Variants in UBN2 observed in about 807,000 individuals in gnomAD.
UBN2 encodes the protein ubinuclein-2.
In UBN2, 35 loss-of-function variants were observed where a neutral mutation model predicts 120.2. That is an observed-to-expected ratio of 0.29 (90% CI 0.22 to 0.39). UBN2 has a LOEUF of 0.39. UBN2 is among the 10% of genes least tolerant of loss of function. The pLI is 1.00. For missense variants in UBN2, 1,693 were observed against 1,663.2 expected (o/e 1.02, Z -0.31); for synonymous variants, 661 against 648.7 (o/e 1.02, Z -0.29).
intron 17 of UBN2, among the ~76,000 whole-genome samples, chr7:139,294,928 A>G (rs968853042): frequency 2.6e-5 from 4 of 152,212 alleles, no homozygotes; most frequent in African/African-American, 9.6e-5. Flanking sequence ...AGGCAGTCAG[A>G]TTAGGCAATG....
chr7:139,325,102 AAT>A, the UBN2 span, among the ~76,000 whole-genome samples: 27 of 152,318 alleles, frequency 1.8e-4, no homozygotes, highest in African/African-American at 6.0e-4. Flanking sequence ...GTATTTTCAA[AAT>A]ATGTGTTTCA....
intron 11 of UBN2, among the ~76,000 whole-genome samples, 164 bp from the exon 12 acceptor site, chr7:139,275,933 A>C (rs550689144): frequency 6.6e-6 from 1 of 152,142 alleles, no homozygotes; most frequent in Non-Finnish European, 1.5e-5. Context: ...TATGAATAAA[A>C]CTCTCCATAA....
At chr7:139,273,539 T>G in intron 10 of UBN2, 129 bp downstream of exon 10, 1 of 599,176 alleles carries the variant, frequency 1.7e-6, no homozygotes, top group Non-Finnish European at 2.7e-6. Context: ...AAAAAATTAT[T>G]CAAGAGAAGA....
intron 2 of UBN2, among the ~76,000 whole-genome samples, chr7:139,247,866 A>G (rs538729067): frequency 3.9e-4 from 59 of 152,262 alleles, no homozygotes; most frequent in Middle Eastern, 3.4e-3. Flanking sequence ...GGGTATGAAT[A>G]TCTTAGGAAG....
chr7:139,319,116 C>G, the UBN2 span, among the ~76,000 whole-genome samples: 5 of 152,212 alleles, frequency 3.3e-5, no homozygotes, highest in South Asian at 2.1e-4. Flanking sequence ...GAGTGTTGCT[C>G]TGTTGCCCAG....
rs920321201 is a variant in UBN2, at chr7:139,301,689, TTTTG to T, written c.*3861_*3864del. 5.3e-5 allele frequency: 8 copies of T among 152,156 alleles called. No homozygotes were observed. The highest frequency in any genetic ancestry group is 1.9e-4 in the East Asian group (1 of 5,204). The allele number at this position is 152,156 out of a possible 1,614,324, so 9.4% of individuals were successfully genotyped here. ...TAGGTTTGGAATTTGTTTGCTTTTT[TTTTG>T]TTTGTTTTTTGTTTTGTTTCTGTTT... On this transcript the variant is annotated 3_prime_UTR_variant, in exon 18 of 18. Transcript: ENST00000473989.
chr7:139,268,961 G>A (rs538673883), intron 7 of UBN2, among the ~76,000 whole-genome samples: 1 of 152,220 alleles, frequency 6.6e-6, no homozygotes, highest in South Asian at 2.1e-4. Context: ...CCACACTTTG[G>A]GATCAAAGGC....
At chr7:139,232,047 G>T in intron 1 of UBN2, 95 bp downstream of exon 1, 2 of 1,286,294 alleles carry the variant, frequency 1.6e-6, no homozygotes, top group Non-Finnish European at 2.1e-6. Context: ...CCCACCGAGC[G>T]CGTCCGGGTC....
rs780269054 is a variant in UBN2, at chr7:139,283,395, A to G, written c.2490A>G (p.Ser830=). Residue 830 remains serine (S), a synonymous_variant, in exon 15 of 18, where the codon TCA becomes TCG. Coordinates refer to ENST00000473989, the MANE Select transcript of UBN2 (RefSeq NM_173569.4). ...ATTCTACTCAGACTACACATTCTTC[A>G]AGTCTTATTGCTGGTCACACAGGGC... The part of the protein sequence containing the change: ...KLDSTQTTHS[S]SLIAGHTGPV... 1.9e-6 allele frequency: 3 copies of G among 1,614,058 alleles called. No individual in the cohort carries two copies. Among genetic ancestry groups the G allele is most frequent in the East Asian group, 2.2e-5 (1 of 44,882 alleles).
intron 14 of UBN2, among the ~76,000 whole-genome samples, chr7:139,282,614 C>T (rs1265807667): frequency 6.6e-6 from 1 of 152,114 alleles, no homozygotes; most frequent in Non-Finnish European, 1.5e-5. Flanking sequence ...GGTCAGCCTC[C>T]TAGCAAACCA....
intron 3 of UBN2, among the ~76,000 whole-genome samples, chr7:139,254,682 G>A (rs1293297262): frequency 1.3e-5 from 2 of 152,168 alleles, no homozygotes; most frequent in Non-Finnish European, 2.9e-5. Context: ...AGTGTTATGT[G>A]TACATTTTGA....
intron 2 of UBN2, among the ~76,000 whole-genome samples, chr7:139,251,287 G>C (rs919633299): frequency 2.0e-5 from 3 of 152,186 alleles, no homozygotes; most frequent in African/African-American, 7.2e-5. Flanking sequence ...CCCTGTTGTT[G>C]ACATCTTGCA....
rs553256874 is a variant in UBN2, at chr7:139,231,270, G to C, written c.-215G>C. ...ATTTATGTGGGGGATCCAACATGGC[G>C]GCCGCGGCGACCCTGGCGATGGCGG... On this transcript the variant is annotated 5_prime_UTR_variant, in exon 1 of 18. Transcript: ENST00000473989. Among the ~76,000 whole-genome samples the C allele has an allele frequency of 6.6e-6, 1 of 152,236 alleles. No homozygotes were observed. Among genetic ancestry groups the C allele is most frequent in the Admixed American group, 6.5e-5 (1 of 15,288 alleles).
chr7:139,249,010 CTGTGTGTGTGTG>C (rs559214097), intron 2 of UBN2, among the ~76,000 whole-genome samples: 1 of 147,648 alleles, frequency 6.8e-6, no homozygotes, highest in Non-Finnish European at 1.5e-5. Flanking sequence ...TTTATTACAT[CTGTGTGTGTGTG>C]TGTGTGTGTG....
chr7:139,323,100 C>T, the UBN2 span, among the ~76,000 whole-genome samples: 4 of 152,092 alleles, frequency 2.6e-5, no homozygotes, highest in Admixed American at 2.6e-4. Flanking sequence ...TGATGAAAAG[C>T]AAGACCTTCA....
rs944583248 is a variant in UBN2 at position 139,231,289 on chromosome 7, A to G, written c.-196A>G. 6.6e-6 allele frequency among the ~76,000 whole-genome samples: 1 copy of G among 152,200 alleles called. No individual in the cohort carries two copies. The highest frequency in any genetic ancestry group is 2.4e-5 in the African/African-American group (1 of 41,466). ...CATGGCGGCCGCGGCGACCCTGGCG[A>G]TGGCGGTGAAGCCCATCAGAACGTA... On this transcript the variant is annotated 5_prime_UTR_variant, in exon 1 of 18. An upstream start codon of the reference 5' UTR is lost. Transcript: ENST00000473989.
chr7:139,313,215 C>A (rs180869548), downstream of UBN2, among the ~76,000 whole-genome samples: 19 of 152,124 alleles, frequency 1.2e-4, no homozygotes, highest in African/African-American at 4.1e-4. Context: ...AATTCACATT[C>A]TTTGGGGCCT....
downstream of UBN2, among the ~76,000 whole-genome samples, chr7:139,313,080 C>G (rs1798469086): frequency 6.6e-6 from 1 of 152,062 alleles, no homozygotes; most frequent in East Asian, 1.9e-4. Context: ...GAGTCCCCGT[C>G]TTTGTTACTC....
intron 15 of UBN2, among the ~76,000 whole-genome samples, chr7:139,292,166 A>C (rs1391442889): frequency 6.6e-6 from 1 of 152,098 alleles, no homozygotes; most frequent in Non-Finnish European, 1.5e-5. Flanking sequence ...AGGTGAGAGG[A>C]TCACTTGAGC....
Sources: allele counts gnomAD v4.1 joint callset (sites outside exome capture counted in the v4.1 genomes callset), GRCh38; gene constraint gnomAD v4.1.1; transcripts MANE v1.5; gene names NCBI Gene and HGNC (gene_info 2026-07-23, HGNC 2026-07-21).